The following MAP4K3 variants were observed in gnomAD, a reference collection of about 807,000 sequenced individuals.
MAP4K3 encodes the protein mitogen-activated protein kinase kinase kinase kinase 3.
MAP4K3 carries 94 observed loss-of-function variants against 143.5 expected under a neutral mutation model. The observed-to-expected ratio is 0.65, with a 90% CI of 0.55 to 0.78. The LOEUF is 0.78. Among genes scored for constraint, MAP4K3 ranks in the 30% least tolerant of loss-of-function variants. The pLI is 0.00. For missense variants in MAP4K3, 1,077 were observed against 1,068.1 expected, an observed-to-expected ratio of 1.01 and a Z score of -0.12; for synonymous variants, 416 against 347.2, an observed-to-expected ratio of 1.20 and a Z score of -2.20.
intron 4 of MAP4K3, among the ~76,000 whole-genome samples, chr2:39,342,250 C>T (rs994101232): frequency 1.3e-5 from 2 of 151,894 alleles, no homozygotes; most frequent in Admixed American, 6.6e-5. Flanking sequence ...GCAATTCTCC[C>T]GCCGCAGCCT....
chr2:39,422,861 G>T (rs965992900), intron 1 of MAP4K3, among the ~76,000 whole-genome samples: 4 of 152,050 alleles, frequency 2.6e-5, no homozygotes, highest in African/African-American at 7.2e-5. Flanking sequence ...AAGTGACCAT[G>T]GTCTAGCATT....
intron 1 of MAP4K3, among the ~76,000 whole-genome samples, chr2:39,426,868 C>T (rs1369136223): frequency 6.6e-6 from 1 of 151,758 alleles, no homozygotes; most frequent in Non-Finnish European, 1.5e-5. Flanking sequence ...TTAAAGAATA[C>T]AACACGAGCT....
intron 15 of MAP4K3, among the ~76,000 whole-genome samples, chr2:39,306,884 T>C (rs1381038166): frequency 6.6e-6 from 1 of 152,184 alleles, no homozygotes; most frequent in African/African-American, 2.4e-5. Flanking sequence ...ACAGTACCTA[T>C]TGTATGTTAG....
At chr2:39,318,656 G>C (rs553894572) in intron 12 of MAP4K3, among the ~76,000 whole-genome samples, 3 of 151,820 alleles carry the variant, frequency 2.0e-5, no homozygotes, top group African/African-American at 7.3e-5. Context: ...AATGATGCAT[G>C]GTGTCTATTT....
intron 1 of MAP4K3, among the ~76,000 whole-genome samples, chr2:39,397,215 C>T (rs1666832935): frequency 6.6e-6 from 1 of 152,086 alleles, no homozygotes; most frequent in Admixed American, 6.5e-5. Flanking sequence ...CTATATAGTA[C>T]TCACCAACTC....
intron 4 of MAP4K3, among the ~76,000 whole-genome samples, chr2:39,337,850 C>A (rs370813461): frequency 1.4e-5 from 2 of 146,268 alleles, no homozygotes; most frequent in African/African-American, 5.0e-5. Context: ...GCCTCGACCT[C>A]CTGGGCTCAA....
chr2:39,253,912 A>G (rs543697554), intron 32 of MAP4K3, among the ~76,000 whole-genome samples: 3 of 152,342 alleles, frequency 2.0e-5, no homozygotes, highest in Admixed American at 1.3e-4. Flanking sequence ...TCTGTGAGGT[A>G]GGAAGGATTC....
chr2:39,405,719 T>G (rs763179692), intron 1 of MAP4K3, among the ~76,000 whole-genome samples: 2 of 151,866 alleles, frequency 1.3e-5, no homozygotes, highest in African/African-American at 2.4e-5. Context: ...AATACAAACA[T>G]TAGCCAGCTG....
intron 1 of MAP4K3, among the ~76,000 whole-genome samples, chr2:39,417,193 C>G (rs1406624763): frequency 6.6e-6 from 1 of 150,948 alleles, no homozygotes; most frequent in Non-Finnish European, 1.5e-5. Context: ...GGATACCAGG[C>G]AGTGAAAGCC....
At chr2:39,261,540 ACATAGAGTGG>A (rs1680568243) in intron 28 of MAP4K3, among the ~76,000 whole-genome samples, 1 of 152,208 alleles carries the variant, frequency 6.6e-6, no homozygotes, top group Admixed American at 6.5e-5. Context: ...TGGTGGTGGG[ACATAGAGTGG>A]CATAGCCAGA....
At chr2:39,409,512 T>A (rs184349666) in intron 1 of MAP4K3, among the ~76,000 whole-genome samples, 125 of 152,326 alleles carry the variant, frequency 8.2e-4, no homozygotes, top group African/African-American at 2.9e-3. Flanking sequence ...GAGAATCATT[T>A]GAACCCAGAA....
intron 10 of MAP4K3, 34 bp from the exon 11 acceptor site, chr2:39,325,845 C>T: frequency 6.4e-7 from 1 of 1,562,054 alleles, no homozygotes; most frequent in Middle Eastern, 1.7e-4. Flanking sequence ...TTTTACATTC[C>T]AATTCATTTT....
intron 6 of MAP4K3, among the ~76,000 whole-genome samples, chr2:39,334,716 C>G (rs1683804755): frequency 1.3e-5 from 2 of 152,184 alleles, no homozygotes; most frequent in African/African-American, 4.8e-5. Flanking sequence ...TCCCTCCTTT[C>G]CCTCCCTGAG....
At chr2:39,415,736 G>A (rs934598779) in intron 1 of MAP4K3, among the ~76,000 whole-genome samples, 5 of 151,204 alleles carry the variant, frequency 3.3e-5, no homozygotes, top group African/African-American at 1.2e-4. Flanking sequence ...TGGATCACCT[G>A]AGGTCAGGAG....
intron 1 of MAP4K3, among the ~76,000 whole-genome samples, chr2:39,410,336 T>G (rs1294971328): frequency 6.6e-6 from 1 of 152,196 alleles, no homozygotes; most frequent in Non-Finnish European, 1.5e-5. Flanking sequence ...CAACATCCTG[T>G]ACCCATGTCA....
intron 1 of MAP4K3, among the ~76,000 whole-genome samples, chr2:39,436,088 TC>T (rs1229417026): frequency 1.3e-5 from 2 of 152,196 alleles, no homozygotes; most frequent in Admixed American, 6.5e-5. Flanking sequence ...CCTCCTCTCT[TC>T]TTGGCAGTAA....
intron 12 of MAP4K3, among the ~76,000 whole-genome samples, chr2:39,317,719 C>T (rs1434439782): frequency 6.6e-6 from 1 of 152,082 alleles, no homozygotes; most frequent in African/African-American, 2.4e-5. Flanking sequence ...CATCTCATAC[C>T]AGCCAGAATG....
intron 2 of MAP4K3, among the ~76,000 whole-genome samples, chr2:39,374,121 T>A (rs926954834): frequency 1.3e-5 from 2 of 152,110 alleles, no homozygotes; most frequent in African/African-American, 4.8e-5. Context: ...ATGGCTCACA[T>A]CTGTAATCCC....
At chr2:39,250,736 A>C (rs202190387) in intron 33 of MAP4K3, 31 bp from the exon 34 acceptor site, 1 of 1,578,670 alleles carries the variant, frequency 6.3e-7, no homozygotes, top group African/African-American at 1.3e-5. Flanking sequence ...ATAACAAAAC[A>C]AAGTTATTCC....
Sources: gnomAD v4.1 joint callset for allele counts (sites outside exome capture counted in the v4.1 genomes callset) on GRCh38, gnomAD v4.1.1 for gene constraint, MANE v1.5 for transcripts, NCBI Gene and HGNC (gene_info 2026-07-23, HGNC 2026-07-21) for gene names.